The following PKD2 variants were observed in gnomAD, a reference collection of about 807,000 sequenced individuals.
PKD2 encodes polycystin 2, transient receptor potential cation channel, also known as polycystin-2.
A neutral mutation model predicts 105.9 loss-of-function variants in PKD2; 48 were observed. The observed-to-expected ratio is 0.45, with a 90% CI of 0.36 to 0.58. PKD2 has a LOEUF of 0.58. Among genes scored for constraint, PKD2 ranks in the 20% least tolerant of loss-of-function variants. The probability of loss-of-function intolerance (pLI) is 0.00; values close to 1 mark genes in which losing one functional copy is unlikely to be tolerated. For missense variants in PKD2, 1,078 were observed against 1,255.3 expected, an observed-to-expected ratio of 0.86 and a Z score of 2.13; for synonymous variants, 464 against 481.1, an observed-to-expected ratio of 0.96 and a Z score of 0.46.
chr4:88,067,594 C>G (rs1720842448), intron 12 of PKD2, among the ~76,000 whole-genome samples: 1 of 152,166 alleles, frequency 6.6e-6, no homozygotes. Flanking sequence ...CCTCAGCCTC[C>G]CAAAGTATTA....
At chr4:88,046,315 A>G (rs903406537) in intron 5 of PKD2, among the ~76,000 whole-genome samples, 1 of 152,136 alleles carries the variant, frequency 6.6e-6, no homozygotes, top group African/African-American at 2.4e-5. Flanking sequence ...CAGAAGTCCT[A>G]GAAAAGTTTG....
intron 8 of PKD2, among the ~76,000 whole-genome samples, chr4:88,057,691 C>T (rs1177663720): frequency 6.6e-6 from 1 of 152,108 alleles, no homozygotes; most frequent in Non-Finnish European, 1.5e-5. Flanking sequence ...GCCTCGGCCT[C>T]CCAAAGTGCT....
intron 3 of PKD2, among the ~76,000 whole-genome samples, chr4:88,036,851 T>C (rs1727351468): frequency 6.6e-6 from 1 of 152,216 alleles, no homozygotes; most frequent in African/African-American, 2.4e-5. Context: ...GCTTCGCCTT[T>C]TGTGTTTTGT....
At chr4:88,023,848 C>T (rs938911389) in intron 2 of PKD2, among the ~76,000 whole-genome samples, 1 of 152,140 alleles carries the variant, frequency 6.6e-6, no homozygotes, top group Non-Finnish European at 1.5e-5. Context: ...TTATTTGAGC[C>T]TAGACTCAGA....
In PKD2 at chr4:88,058,043, T is replaced by C. The variant is rs371979633; in HGVS notation, c.1959T>C (p.Asn653=). 1.4e-4 allele frequency: 222 copies of C among 1,567,430 alleles called. No homozygotes were observed. Among genetic ancestry groups the C allele is most frequent in the Non-Finnish European group, 1.8e-4 (205 of 1,137,692 alleles). ...DINFAEIEEA[N]RVLGPIYFTT... is the part of the protein sequence containing the mutation. ...ACTTTGCAGAGATTGAGGAAGCTAA[T>C]CGAGTTTTGGGACCAATTTATTTCA... The change falls in exon 9 of 15, where the codon AAT becomes AAC. Residue 653 remains asparagine, a synonymous_variant. Coordinates refer to ENST00000237596, the MANE Select transcript of PKD2 (RefSeq NM_000297.4).
In PKD2 at chr4:88,065,452, G is replaced by C. The variant is rs778707203; in HGVS notation, c.2197G>C (p.Gly733Arg). 2 of 1,613,462 alleles carry C rather than the reference G, an allele frequency of 1.2e-6. No homozygotes were observed. The highest frequency in any genetic ancestry group is 1.7e-6 in the Non-Finnish European group (2 of 1,179,548). Residue 733 changes from glycine to arginine, a missense_variant, in exon 11 of 15, where the codon GGA (glycine) becomes CGA (arginine). Gly to Arg is a moderately radical substitution (Grantham distance 125). This residue lies in a region of PKD2 where 868 missense variants were observed against 1,067.3 expected (regional missense o/e 0.81). Coordinates refer to ENST00000237596, the MANE Select transcript of PKD2 (RefSeq NM_000297.4). ...DDISESLRQGGGKLNFDELRQ... is the reference protein window; with the variant it reads ...DDISESLRQGRGKLNFDELRQ... Reference sequence around the variant, plus strand: ...CATTTCAGAGAGTCTGCGGCAAGGAGGAGGCAAGTTAAACTTTGACGAACT... The same window carrying C: ...CATTTCAGAGAGTCTGCGGCAAGGACGAGGCAAGTTAAACTTTGACGAACT...
intron 2 of PKD2, among the ~76,000 whole-genome samples, chr4:88,033,516 C>T (rs1727232535): frequency 6.6e-6 from 1 of 151,910 alleles, no homozygotes; most frequent in African/African-American, 2.4e-5. Context: ...GCTACATAAC[C>T]AAGGGAATCT....
At chr4:88,024,502 G>GGAAA (rs1726884318) in intron 2 of PKD2, among the ~76,000 whole-genome samples, 2 of 124,386 alleles carry the variant, frequency 1.6e-5, no homozygotes, top group Non-Finnish European at 3.5e-5. Context: ...AAGGAAGGAA[G>GGAAA]GAAAGAAAAA....
chr4:88,022,147 T>C (rs1726775323), intron 2 of PKD2, among the ~76,000 whole-genome samples: 1 of 152,226 alleles, frequency 6.6e-6, no homozygotes, highest in African/African-American at 2.4e-5. Flanking sequence ...CCCCCAGCTG[T>C]ATGTGAGCTA....
At chr4:88,070,147 T>C (rs1720958266) in intron 13 of PKD2, among the ~76,000 whole-genome samples, 1 of 152,216 alleles carries the variant, frequency 6.6e-6, no homozygotes, top group Non-Finnish European at 1.5e-5. Context: ...GAGAATGTTT[T>C]TCTTTCTCCT....
chr4:88,019,327 A>AT (rs1355962282), intron 1 of PKD2, 131 bp from the exon 2 acceptor site: 8 of 628,388 alleles, frequency 1.3e-5, no homozygotes, highest in African/African-American at 5.6e-5. Context: ...TCAAAATGTG[A>AT]TTAAAAAAAA....
intron 5 of PKD2, among the ~76,000 whole-genome samples, chr4:88,044,009 A>G (rs1303446355): frequency 3.9e-5 from 6 of 152,210 alleles, no homozygotes; most frequent in African/African-American, 1.4e-4. Context: ...TGAGATAGTA[A>G]CAAAAATGAC....
At position 88,061,961 on chromosome 4, in the gene PKD2, C is replaced by T; in HGVS notation, c.2075C>T (p.Ala692Val). 2 of 1,584,352 alleles carry T rather than the reference C, an allele frequency of 1.3e-6. No homozygotes were observed. The highest frequency in any genetic ancestry group is 8.7e-7 in the Non-Finnish European group (1 of 1,153,432). ...DTYSEVKSDL[A>V]QQKAEMELSD... ...TACTCTGAAGTGAAATCTGACTTGG[C>T]ACAGCAGAAAGCTGAAATGGAACTC... Residue 692 changes from alanine to valine, a missense_variant, in exon 10 of 15, where the codon GCA (alanine) becomes GTA (valine). By Grantham distance (64) the Ala-to-Val change is moderately conservative (BLOSUM62 0). This residue lies in a region of PKD2 where 868 missense variants were observed against 1,067.3 expected (regional missense o/e 0.81). Coordinates refer to ENST00000237596, the MANE Select transcript of PKD2 (RefSeq NM_000297.4).
intron 9 of PKD2, among the ~76,000 whole-genome samples, chr4:88,060,027 G>A (rs991558268): frequency 1.3e-5 from 2 of 152,116 alleles, no homozygotes; most frequent in Admixed American, 6.5e-5. Context: ...AGGGAACCTC[G>A]GGAGACAGGA....
At chr4:88,057,864 C>T (rs1054159197) in intron 8 of PKD2, 119 bp from the exon 9 acceptor site, 62 of 776,296 alleles carry the variant, frequency 8.0e-5, no homozygotes, top group East Asian at 5.7e-4. Flanking sequence ...TTCTGTTATT[C>T]GGCAGCTACC....
At chr4:88,075,314 G>A in intron 14 of PKD2, 144 bp from the exon 15 acceptor site, 1 of 803,620 alleles carries the variant, frequency 1.2e-6, no homozygotes, top group Non-Finnish European at 2.2e-6. Flanking sequence ...AGAATTAAGT[G>A]AAAAATTACT....
chr4:88,060,776 C>T (rs1449857280), intron 9 of PKD2, among the ~76,000 whole-genome samples: 15 of 152,142 alleles, frequency 9.9e-5, no homozygotes, highest in Admixed American at 8.5e-4. Context: ...GAAAAATGAA[C>T]TCACCATTAC....
At chr4:88,052,891 C>T (rs1720163262) in intron 7 of PKD2, among the ~76,000 whole-genome samples, 1 of 152,122 alleles carries the variant, frequency 6.6e-6, no homozygotes. Context: ...GGAAGCTTTA[C>T]CTAGAATTAA....
intron 9 of PKD2, among the ~76,000 whole-genome samples, chr4:88,059,748 C>CATAT (rs989206003): frequency 2.0e-5 from 3 of 148,502 alleles, no homozygotes; most frequent in African/African-American, 7.3e-5. Context: ...TACATACGTA[C>CATAT]ATACATACAT....
Sources: gnomAD v4.1 joint callset for allele counts (sites outside exome capture counted in the v4.1 genomes callset) on GRCh38, gnomAD v4.1.1 for gene constraint, gnomAD v4.1.1 regional missense constraint, MANE v1.5 for transcripts, NCBI Gene and HGNC (gene_info 2026-07-23, HGNC 2026-07-21) for gene names.